Variants in PPP2R2B observed in about 807,000 individuals in gnomAD.
PPP2R2B encodes serine/threonine-protein phosphatase 2A 55 kDa regulatory subunit B beta isoform.
A neutral mutation model predicts 46.0 loss-of-function variants in PPP2R2B; 5 were observed. That is an observed-to-expected ratio of 0.11 (90% CI 0.06 to 0.23). The LOEUF (loss-of-function observed/expected upper bound fraction) is 0.23. Among genes scored for constraint, PPP2R2B ranks in the 10% least tolerant of loss-of-function variants. The probability of loss-of-function intolerance (pLI) is 1.00; values close to 1 mark genes in which losing one functional copy is unlikely to be tolerated. For synonymous variants in PPP2R2B, 215 were observed against 206.7 expected (o/e 1.04, Z -0.34); for missense variants, 367 against 575.0 (o/e 0.64, Z 3.70).
chr5:147,022,324 C>T (rs528912386), intron 1 of PPP2R2B, among the ~76,000 whole-genome samples: 4 of 151,222 alleles, frequency 2.6e-5, no homozygotes, highest in South Asian at 4.2e-4. Flanking sequence ...TGTGGGAGGT[C>T]GAGGTGGGTG....
chr5:146,812,883 A>G (rs975876194), intron 2 of PPP2R2B, among the ~76,000 whole-genome samples: 3 of 133,370 alleles, frequency 2.2e-5, no homozygotes, highest in African/African-American at 8.3e-5. Context: ...ACTCACTACC[A>G]TGAGAACAGT....
chr5:146,786,465 C>T (rs1229983278), intron 2 of PPP2R2B, among the ~76,000 whole-genome samples: 1 of 152,200 alleles, frequency 6.6e-6, no homozygotes, highest in African/African-American at 2.4e-5. Context: ...GATGCTGCCA[C>T]TTCCTGAAAC....
At chr5:146,756,011 AC>A (rs1164676895) in intron 2 of PPP2R2B, among the ~76,000 whole-genome samples, 4 of 152,214 alleles carry the variant, frequency 2.6e-5, no homozygotes, top group African/African-American at 9.6e-5. Flanking sequence ...CTGCATACTT[AC>A]ATTTGCATAT....
chr5:146,931,861 A>G (rs988203854), intron 1 of PPP2R2B, among the ~76,000 whole-genome samples: 26 of 152,192 alleles, frequency 1.7e-4, no homozygotes, highest in African/African-American at 5.5e-4. Flanking sequence ...TTACTTTCCT[A>G]TATAATGTAG....
intron 1 of PPP2R2B, among the ~76,000 whole-genome samples, chr5:146,986,542 A>G (rs967120231): frequency 6.6e-6 from 1 of 152,240 alleles, no homozygotes; most frequent in African/African-American, 2.4e-5. Context: ...TCAGAAATTT[A>G]TCAGAGAAAT....
At chr5:146,843,683 T>C (rs1216869267) in intron 2 of PPP2R2B, among the ~76,000 whole-genome samples, 1 of 152,220 alleles carries the variant, frequency 6.6e-6, no homozygotes, top group East Asian at 1.9e-4. Flanking sequence ...GCTTCTTCTA[T>C]CTTACAGAGT....
intron 1 of PPP2R2B, among the ~76,000 whole-genome samples, chr5:146,895,686 G>A (rs1018494266): frequency 3.9e-5 from 6 of 152,116 alleles, no homozygotes; most frequent in African/African-American, 9.7e-5. Context: ...AAAAAATTTT[G>A]TTCCTACAAA....
intron 4 of PPP2R2B, among the ~76,000 whole-genome samples, chr5:146,693,752 A>G (rs61438640): frequency 0.35 from 53,421 of 152,098 alleles, 11,154 homozygotes; most frequent in East Asian, 0.64. Flanking sequence ...AGCATGGAGA[A>G]TGTTTAACAC....
intron 2 of PPP2R2B, among the ~76,000 whole-genome samples, chr5:146,773,219 A>C (rs1199754275): frequency 6.6e-6 from 1 of 152,236 alleles, no homozygotes; most frequent in Non-Finnish European, 1.5e-5. Context: ...CAGCTGATGG[A>C]GAGCAACTTG....
chr5:146,660,271 AT>A (rs1323416027), intron 5 of PPP2R2B, among the ~76,000 whole-genome samples: 1 of 152,160 alleles, frequency 6.6e-6, no homozygotes, highest in Admixed American at 6.6e-5. Context: ...ATTACTTTTC[AT>A]TTTCAGTAGG....
intron 2 of PPP2R2B, among the ~76,000 whole-genome samples, chr5:146,821,565 T>C (rs907458922): frequency 6.6e-6 from 1 of 152,228 alleles, no homozygotes; most frequent in African/African-American, 2.4e-5. Flanking sequence ...GCACAGGCTT[T>C]GGGGGCAAAC....
At chr5:147,077,545 T>G (rs1757826370) in intron 2 of PPP2R2B, among the ~76,000 whole-genome samples, 1 of 152,150 alleles carries the variant, frequency 6.6e-6, no homozygotes, top group African/African-American at 2.4e-5. Context: ...TTATGCCAAT[T>G]AAACCCCTTC....
intron 8 of PPP2R2B, among the ~76,000 whole-genome samples, chr5:146,598,213 C>T (rs1771392882): frequency 6.6e-6 from 1 of 152,240 alleles, no homozygotes; most frequent in Admixed American, 6.5e-5. Flanking sequence ...TCTCCACTTA[C>T]TAAATCCAAG....
intron 4 of PPP2R2B, among the ~76,000 whole-genome samples, chr5:146,693,082 C>G (rs1215605306): frequency 6.6e-6 from 1 of 152,138 alleles, no homozygotes; most frequent in Non-Finnish European, 1.5e-5. Flanking sequence ...GACGGGGATT[C>G]CCACTCAGTA....
chr5:146,907,879 G>A (rs1763052931), intron 1 of PPP2R2B, among the ~76,000 whole-genome samples: 1 of 151,990 alleles, frequency 6.6e-6, no homozygotes. Flanking sequence ...AGTATGCAGT[G>A]GTTTGTTAGT....
intron 5 of PPP2R2B, among the ~76,000 whole-genome samples, chr5:146,657,392 A>G (rs1392421056): frequency 6.6e-6 from 1 of 152,212 alleles, no homozygotes; most frequent in South Asian, 2.1e-4. Flanking sequence ...AGAAGGAAGA[A>G]AAGAGAGATG....
rs571429098 is a variant in PPP2R2B at position 146,758,414 on chromosome 5, G to A, written c.71-57272C>T. Among the ~76,000 whole-genome samples, 21 of 152,202 alleles carry A rather than the reference G, an allele frequency of 1.4e-4. 1 individual carries two copies. In the East Asian group the frequency reaches 3.5e-3, roughly 25 times the overall value. ...CAACATTACCTCAAAGGCTTGTTAT[G>A]AGGATTCATTATGACATCTGTCCAA... On this transcript the variant is annotated intron_variant, in intron 2 of 9. Coordinates refer to ENST00000394411, the MANE Select transcript of PPP2R2B (RefSeq NM_181675.4).
chr5:146,862,760 TA>T (rs1262508416), intron 2 of PPP2R2B, among the ~76,000 whole-genome samples: 22 of 110,266 alleles, frequency 2.0e-4, no homozygotes, highest in African/African-American at 1.0e-3. Flanking sequence ...CAAAGAAAAG[TA>T]AATTTTTTTT....
chr5:146,736,821 T>A lies in PPP2R2B; in HGVS notation c.71-35679A>T, dbSNP rs144259757. On this transcript the variant is annotated intron_variant, in intron 2 of 9. Coordinates refer to ENST00000394411, the MANE Select transcript of PPP2R2B (RefSeq NM_181675.4). The stretch of plus-strand genomic sequence containing the variant: ...TCAGTCATTACCTAGTGGTATACAT[T>A]TCTGGATCACCTTTGGCATCTCTAG... Among the ~76,000 whole-genome samples, 3 of 152,344 alleles carry A rather than the reference T, an allele frequency of 2.0e-5. No individual in the cohort carries two copies. In the East Asian group the frequency reaches 5.8e-4, roughly 29 times the overall value.
Sources: allele counts gnomAD v4.1 joint callset (sites outside exome capture counted in the v4.1 genomes callset), GRCh38; gene constraint gnomAD v4.1.1; transcripts MANE v1.5; gene names NCBI Gene and HGNC (gene_info 2026-07-23, HGNC 2026-07-21).